Variants in TAFA2 observed in about 807,000 individuals in gnomAD.
TAFA2 encodes TAFA chemokine like family member 2, also known as chemokine-like protein TAFA-2.
TAFA2 carries 7 observed loss-of-function variants against 18.8 expected under a neutral mutation model. That is an observed-to-expected ratio of 0.37 (90% CI 0.21 to 0.70). The LOEUF (loss-of-function observed/expected upper bound fraction) is 0.70, where lower values mean the gene tolerates loss of function less well. Among genes scored for constraint, TAFA2 ranks in the 30% least tolerant of loss-of-function variants. The pLI, the probability that TAFA2 is intolerant of heterozygous loss-of-function variation, is 0.53. For synonymous variants in TAFA2, 60 were observed against 54.2 expected (o/e 1.11, Z -0.47); for missense variants, 122 against 158.1 (o/e 0.77, Z 1.23).
chr12:61,848,829 A>C (rs1449028250), intron 2 of TAFA2, among the ~76,000 whole-genome samples: 1 of 151,766 alleles, frequency 6.6e-6, no homozygotes, highest in Non-Finnish European at 1.5e-5. Context: ...TTACTTTGGT[A>C]AGATATTTAT....
At chr12:61,907,679 G>T (rs1305410331) in intron 1 of TAFA2, among the ~76,000 whole-genome samples, 3 of 152,056 alleles carry the variant, frequency 2.0e-5, no homozygotes, top group East Asian at 1.9e-4. Context: ...CCGCATAATG[G>T]TATCCACCGA....
intron 1 of TAFA2, among the ~76,000 whole-genome samples, chr12:61,898,156 T>C (rs867602255): frequency 4.6e-5 from 7 of 152,228 alleles, no homozygotes; most frequent in African/African-American, 1.7e-4. Flanking sequence ...CCTTGGGCAG[T>C]TCTGACCCCA....
Position 61,854,915 on chromosome 12 carries a change from A to T in TAFA2, c.106+12405T>A, listed in dbSNP as rs1873821179. Among the ~76,000 whole-genome samples, 3 of 152,206 alleles carry T rather than the reference A, an allele frequency of 2.0e-5. No homozygotes were observed. In the South Asian group the frequency reaches 6.2e-4, roughly 31 times the overall value. ...TATCAGACCCTGGAAATGTATCATC[A>T]TATGTAAGAGATGGGAAAAGGTAAT... On this transcript the variant is annotated intron_variant, in intron 2 of 4. Coordinates refer to ENST00000416284, the MANE Select transcript of TAFA2 (RefSeq NM_178539.5).
intron 1 of TAFA2, among the ~76,000 whole-genome samples, chr12:62,210,670 C>A (rs190774403): frequency 3.2e-4 from 48 of 152,158 alleles, no homozygotes; most frequent in Admixed American, 1.2e-3. Context: ...GATGCTTCCA[C>A]AACAGAGAGA....
chr12:61,837,014 T>C (rs1437879093), intron 2 of TAFA2, among the ~76,000 whole-genome samples: 1 of 151,488 alleles, frequency 6.6e-6, no homozygotes, highest in Non-Finnish European at 1.5e-5. Context: ...GTGACCAAAG[T>C]TTTTAATTTT....
chr12:61,831,314 T>A (rs12307825), intron 2 of TAFA2, among the ~76,000 whole-genome samples: 1,699 of 152,202 alleles, frequency 0.011, 32 homozygotes, highest in African/African-American at 0.038. Flanking sequence ...ATTAAAATAA[T>A]AGAAACACGG....
At chr12:62,235,506 G>A (rs528265566) in intron 1 of TAFA2, 6 of 551,304 alleles carry the variant, frequency 1.1e-5, no homozygotes, top group East Asian at 3.3e-5. Context: ...GCCTGTGGTC[G>A]GCTGTACATG....
Position 61,864,189 on chromosome 12 carries a change from C to T in TAFA2, c.106+3131G>A, listed in dbSNP as rs530449258. On this transcript the variant is annotated intron_variant, in intron 2 of 4. Transcript: ENST00000416284. ...ATTATAATGACAGGCCTTTAAAATTCTTACAAATACAATTCTGATGAACAT... is the reference window on the plus strand; with the variant it reads ...ATTATAATGACAGGCCTTTAAAATTTTTACAAATACAATTCTGATGAACAT... Among the ~76,000 whole-genome samples the T allele has an allele frequency of 2.0e-3, 303 of 152,062 alleles. 1 individual carries two copies. The highest frequency in any genetic ancestry group is 6.8e-3 in the Middle Eastern group (2 of 292).
Position 61,724,782 on chromosome 12 carries a change from T to TACACCA in TAFA2, c.385-14366_385-14365insTGGTGT, listed in dbSNP as rs1254498860. Among the ~76,000 whole-genome samples the TACACCA allele has an allele frequency of 2.0e-3, 202 of 99,494 alleles. 2 individuals carry two copies. The highest frequency in any genetic ancestry group is 7.2e-3 in the African/African-American group (180 of 24,874). The allele number at this position is 99,494 out of a possible 152,430, so 65.3% of individuals were successfully genotyped here. A position where few individuals can be genotyped will look rare whatever the true frequency, so the allele number is the denominator to read the frequency against. On this transcript the variant is annotated intron_variant, in intron 4 of 4. Coordinates refer to ENST00000416284, the MANE Select transcript of TAFA2 (RefSeq NM_178539.5). ...GTGTGTGTGTGTGTGTGTGTGTGTGTGTGTGTGTGTGTGTGTGTGTATACA... is the reference window on the plus strand; with the variant it reads ...GTGTGTGTGTGTGTGTGTGTGTGTGTACACCAGTGTGTGTGTGTGTGTGTGTATACA...
intron 1 of TAFA2, among the ~76,000 whole-genome samples, chr12:61,971,843 G>A (rs974812562): frequency 4.6e-5 from 7 of 151,876 alleles, no homozygotes; most frequent in African/African-American, 1.7e-4. Context: ...TGCACGTTGT[G>A]CACATGTACC....
chr12:61,874,930 C>A (rs1565665009), intron 1 of TAFA2, among the ~76,000 whole-genome samples: 1 of 151,540 alleles, frequency 6.6e-6, no homozygotes, highest in South Asian at 2.1e-4. Context: ...TTAGAGTAAA[C>A]AAGAAATCAC....
chr12:61,801,222 C>A (rs1871384980), intron 2 of TAFA2, among the ~76,000 whole-genome samples: 1 of 151,976 alleles, frequency 6.6e-6, no homozygotes. Flanking sequence ...TCAATGCAAT[C>A]CTTATCAAAA....
chr12:62,098,965 A>G (rs1869069216), intron 1 of TAFA2, among the ~76,000 whole-genome samples: 1 of 152,178 alleles, frequency 6.6e-6, no homozygotes, highest in African/African-American at 2.4e-5. Flanking sequence ...TGTTTGCTTA[A>G]TAATCTAATA....
intron 1 of TAFA2, among the ~76,000 whole-genome samples, chr12:62,215,200 C>T (rs572463286): frequency 6.6e-6 from 1 of 152,310 alleles, no homozygotes; most frequent in African/African-American, 2.4e-5. Context: ...TCAATGTCTA[C>T]TTGTTCACAT....
At chr12:61,802,445 T>C (rs1871437859) in intron 2 of TAFA2, among the ~76,000 whole-genome samples, 1 of 152,074 alleles carries the variant, frequency 6.6e-6, no homozygotes, top group South Asian at 2.1e-4. Context: ...AAAGAAATTC[T>C]GTCATTCACA....
chr12:61,859,982 G>A (rs1874061716), intron 2 of TAFA2, among the ~76,000 whole-genome samples: 1 of 152,136 alleles, frequency 6.6e-6, no homozygotes, highest in East Asian at 1.9e-4. Flanking sequence ...GGTTATGAAA[G>A]CATAACTCTT....
intron 1 of TAFA2, among the ~76,000 whole-genome samples, chr12:62,090,436 C>A (rs1047196333): frequency 6.6e-6 from 1 of 152,010 alleles, no homozygotes; most frequent in Admixed American, 6.6e-5. Context: ...AAAATAGGAG[C>A]ATTTTTTACT....
chr12:61,957,094 A>G (rs1273135694), intron 1 of TAFA2, among the ~76,000 whole-genome samples: 1 of 152,134 alleles, frequency 6.6e-6, no homozygotes, highest in East Asian at 1.9e-4. Flanking sequence ...ATGGCAGTTA[A>G]ATGTAAGTTC....
chr12:62,003,162 T>C (rs1404101301), intron 1 of TAFA2, among the ~76,000 whole-genome samples: 3 of 152,166 alleles, frequency 2.0e-5, no homozygotes, highest in African/African-American at 4.8e-5. Flanking sequence ...CTACAGTCTA[T>C]TGTCAACATG....
Sources: allele counts gnomAD v4.1 joint callset (sites outside exome capture counted in the v4.1 genomes callset), GRCh38; gene constraint gnomAD v4.1.1; transcripts MANE v1.5; gene names NCBI Gene and HGNC (gene_info 2026-07-23, HGNC 2026-07-21).